TSPAN33: variants seen among roughly 807,000 people sequenced by gnomAD.
TSPAN33 encodes the protein tetraspanin 33, also known as tetraspanin-33.
A neutral mutation model predicts 34.8 loss-of-function variants in TSPAN33; 27 were observed. That is an observed-to-expected ratio of 0.78 (90% CI 0.57 to 1.07). TSPAN33 has a LOEUF of 1.07. Among genes scored for constraint, TSPAN33 ranks in the 50% least tolerant of loss-of-function variants. The probability of loss-of-function intolerance (pLI) is 0.00; values close to 1 mark genes in which losing one functional copy is unlikely to be tolerated. For missense variants in TSPAN33, 272 were observed against 324.9 expected (o/e 0.84, Z 1.25); for synonymous variants, 119 against 124.2 (o/e 0.96, Z 0.28).
intron 2 of TSPAN33, 35 bp from the exon 3 acceptor site, chr7:129,162,359 A>T: frequency 1.9e-6 from 3 of 1,606,702 alleles, no homozygotes; most frequent in Non-Finnish European, 2.5e-6. Context: ...CTCAGTGGGC[A>T]CCAGGCTCAG....
intron 1 of TSPAN33, among the ~76,000 whole-genome samples, chr7:129,151,992 T>G (rs561711645): frequency 3.3e-5 from 5 of 152,192 alleles, no homozygotes; most frequent in African/African-American, 1.2e-4. Context: ...TCTGAATCTG[T>G]GAGGAAACAA....
At chr7:129,166,649 C>T (rs942601533) in intron 5 of TSPAN33, 129 bp from the exon 6 acceptor site, 52 of 1,124,256 alleles carry the variant, frequency 4.6e-5, no homozygotes, top group Middle Eastern at 2.9e-4. Flanking sequence ...AAGTTTAAGG[C>T]TGTGTTAAAA....
At position 129,165,395 on chromosome 7, in the gene TSPAN33, G is replaced by A. The variant is rs141763193; in HGVS notation, c.459+826G>A. On this transcript the variant is annotated intron_variant, in intron 5 of 7. Coordinates refer to ENST00000486685, the MANE Select transcript of TSPAN33 (RefSeq NM_178562.5). The surrounding 1 kb of genome is among the most constrained non-coding windows in gnomAD (Gnocchi z 4.5). ...ACAACTCTAGGTACCTCAAATGAAG[G>A]GACTCACGGTATTAATGCTTTTTTG... Among the ~76,000 whole-genome samples, 1,029 of 152,258 alleles carry A rather than the reference G, an allele frequency of 6.8e-3. 7 individuals are homozygous for A. The highest frequency in any genetic ancestry group is 0.023 in the African/African-American group (956 of 41,540).
chr7:129,164,791 C>A (rs1793112083), intron 5 of TSPAN33: 2 of 468,212 alleles, frequency 4.3e-6, no homozygotes, highest in Non-Finnish European at 7.9e-6. Context: ...TGGTTACCTA[C>A]AGGGGGTGAG....
Position 129,167,599 on chromosome 7 carries a change from T to A in TSPAN33, c.750+39T>A. 6.2e-7 allele frequency: 1 copy of A among 1,603,714 alleles called. No individual in the cohort carries two copies. Among genetic ancestry groups the A allele is most frequent in the South Asian group, 1.1e-5 (1 of 90,016 alleles). On this transcript the variant is annotated intron_variant, in intron 7 of 7. Coordinates refer to ENST00000486685, the MANE Select transcript of TSPAN33 (RefSeq NM_178562.5). This position sits in a 1 kb window ranked among gnomAD's most constrained non-coding sequence, Gnocchi z 4.6. ...TGAGACTTGTTGGTCCCACACACTC[T>A]GTAAAGACTCCTTTGTTTTGGGGAA...
chr7:129,159,200 A>G (rs1793015026), intron 1 of TSPAN33, among the ~76,000 whole-genome samples: 1 of 151,832 alleles, frequency 6.6e-6, no homozygotes, highest in South Asian at 2.1e-4. Context: ...AGCTGGGACT[A>G]CAAGTGTGTG....
chr7:129,162,830 C>T lies in TSPAN33; in HGVS notation c.289-3C>T. On this transcript the variant is annotated splice_polypyrimidine_tract_variant and splice_region_variant and intron_variant, in intron 3 of 7. Transcript: ENST00000486685. ...GACGCCTCTTCTTCCTGCTGCTCCA[C>T]AGTTCTCCCTCTGCCTCACCGCTGT... 1.2e-6 allele frequency: 2 copies of T among 1,613,760 alleles called. No individual in the cohort carries two copies. Among genetic ancestry groups the T allele is most frequent in the African/African-American group, 1.3e-5 (1 of 75,048 alleles).
At position 129,148,527 on chromosome 7, in the gene TSPAN33, C is replaced by A. The variant is rs1321774653; in HGVS notation, c.102+3445C>A. On this transcript the variant is annotated intron_variant, in intron 1 of 7. Coordinates refer to ENST00000486685, the MANE Select transcript of TSPAN33 (RefSeq NM_178562.5). This position sits in a 1 kb window ranked among gnomAD's most constrained non-coding sequence, Gnocchi z 4.2. ...AACCCCACAGGGTAGAGGCTTGATG[C>A]CCATCCTCCCTTCCTCATGGACACT... Among the ~76,000 whole-genome samples, 1 of 152,124 alleles carries A rather than the reference C, an allele frequency of 6.6e-6. No homozygotes were observed. The highest frequency in any genetic ancestry group is 1.5e-5 in the Non-Finnish European group (1 of 68,034).
At chr7:129,159,368 T>C (rs1424084367) in intron 1 of TSPAN33, among the ~76,000 whole-genome samples, 1 of 152,234 alleles carries the variant, frequency 6.6e-6, no homozygotes, top group Non-Finnish European at 1.5e-5. Context: ...CCCCACATTT[T>C]CTTTTTCCCG....
At position 129,162,775 on chromosome 7, in the gene TSPAN33, TG is replaced by T. The variant is rs1430382710; in HGVS notation, c.289-56del. 22 of 1,578,586 alleles carry T rather than the reference TG, an allele frequency of 1.4e-5. No homozygotes were observed. In the Middle Eastern group the frequency reaches 5.0e-4, roughly 36 times the overall value. ...GCAGCTCCCAGCATCCCCTTGGCCC[TG>T]GAAGGGGTTGCTGCCATGAGTGGTC... On this transcript the variant is annotated intron_variant, in intron 3 of 7. Coordinates refer to ENST00000486685, the MANE Select transcript of TSPAN33 (RefSeq NM_178562.5).
At chr7:129,164,161 ATTAG>A (rs540638878) in intron 4 of TSPAN33, among the ~76,000 whole-genome samples, 11 of 152,166 alleles carry the variant, frequency 7.2e-5, no homozygotes, top group Non-Finnish European at 1.6e-4. Context: ...AAAATTAAAA[ATTAG>A]TTTGTTTTTA....
chr7:129,164,570 G>A lies in TSPAN33; in HGVS notation c.459+1G>A. On this transcript the variant is annotated splice_donor_variant, in intron 5 of 7. Coordinates refer to ENST00000486685, the MANE Select transcript of TSPAN33 (RefSeq NM_178562.5). LOFTEE classifies it high-confidence loss of function. ...CCTCATTGATTTTGGCCAGAAAAAG[G>A]TATGGGTCAGCCAGTGGTCTGGGGG... 6.2e-7 allele frequency: 1 copy of A among 1,613,428 alleles called. No homozygotes were observed. Among genetic ancestry groups the A allele is most frequent in the Non-Finnish European group, 8.5e-7 (1 of 1,179,748 alleles).
intron 1 of TSPAN33, among the ~76,000 whole-genome samples, chr7:129,152,934 T>G (rs1051654591): frequency 6.6e-6 from 1 of 150,902 alleles, no homozygotes; most frequent in African/African-American, 2.4e-5. Context: ...GGCACATACC[T>G]GTAACCCCAG....
chr7:129,145,058 C>T lies in TSPAN33; in HGVS notation c.78C>T (p.Leu26=). 4.1e-6 allele frequency: 3 copies of T among 731,676 alleles called. No homozygotes were observed. Among genetic ancestry groups the T allele is most frequent in the Non-Finnish European group, 5.1e-6 (2 of 395,372 alleles). 45.3% of individuals were successfully genotyped at this position (731,676 alleles called of 1,614,324 possible). A position where few individuals can be genotyped will look rare whatever the true frequency, so the allele number is the denominator to read the frequency against. ...TCAGCCCGCTGGTGAAATACCTGCT[C>T]TTCTTCTTCAACATGCTCTTCTGGG... ...SFVSPLVKYL[L]FFFNMLFWVI... is the part of the protein sequence containing the mutation. The change falls in exon 1 of 8, where the codon CTC becomes CTT. Residue 26 remains leucine (L), a synonymous_variant. Coordinates refer to ENST00000486685, the MANE Select transcript of TSPAN33 (RefSeq NM_178562.5).
In TSPAN33 at chr7:129,162,391, C is replaced by CT. The variant is rs756910891; in HGVS notation, c.161-3_161-2insT. 2.5e-6 allele frequency: 4 copies of CT among 1,612,338 alleles called. No homozygotes were observed. The highest frequency in any genetic ancestry group is 2.5e-6 in the Non-Finnish European group (3 of 1,179,970). On this transcript the variant is annotated splice_polypyrimidine_tract_variant and splice_region_variant and intron_variant, in intron 2 of 7. Transcript: ENST00000486685. ...TCAGGCTGAGGGCCGGCTCCTTTTC[C>CT]AGAAGCAGCCCTAGCCTGCCTGGCA...
chr7:129,145,011 T>A lies in TSPAN33; in HGVS notation c.31T>A (p.Ser11Thr). The stretch of plus-strand genomic sequence containing the variant: ...GCGGAGACCCCGGGCGCCGGCCGCC[T>A]CCGGGGAGGAGTTCTCCTTCGTCAG... MARRPRAPAA[S>T]GEEFSFVSPL... is the part of the protein sequence containing the mutation. The change falls in exon 1 of 8, where the codon TCC becomes ACC. Residue 11 changes from serine (S) to threonine (T), a missense_variant. Ser to Thr is a moderately conservative substitution (Grantham distance 58, BLOSUM62 1). Transcript: ENST00000486685. The A allele has an allele frequency of 1.4e-6, 1 of 691,306 alleles. No homozygotes were observed. The highest frequency in any genetic ancestry group is 2.7e-6 in the Non-Finnish European group (1 of 377,068). 42.8% of individuals were successfully genotyped at this position (691,306 alleles called of 1,614,324 possible).
At position 129,167,944 on chromosome 7, in the gene TSPAN33, AG is replaced by A; in HGVS notation, c.*71del. On this transcript the variant is annotated 3_prime_UTR_variant, in exon 8 of 8. Transcript: ENST00000486685. The surrounding 1 kb of genome is among the most constrained non-coding windows in gnomAD (Gnocchi z 4.6). ...TAAACGAACAGCAGTGGGTGCTGAA[AG>A]CAGCACCAAATGGAGATTTGGATTC... The A allele has an allele frequency of 6.4e-7, 1 of 1,568,470 alleles. No individual in the cohort carries two copies. Among genetic ancestry groups the A allele is most frequent in the South Asian group, 1.2e-5 (1 of 85,100 alleles).
Position 129,148,677 on chromosome 7 carries a change from C to T in TSPAN33, c.102+3595C>T, listed in dbSNP as rs1366576736. On this transcript the variant is annotated intron_variant, in intron 1 of 7. Coordinates refer to ENST00000486685, the MANE Select transcript of TSPAN33 (RefSeq NM_178562.5). The surrounding 1 kb of genome is among the most constrained non-coding windows in gnomAD (Gnocchi z 4.2). Reference sequence around the variant, plus strand: ...CCCTCCACTTAAGCCAGGTCAGAAACATGGCAGCCATCCCCTCCTCAGAGC... The same window carrying T: ...CCCTCCACTTAAGCCAGGTCAGAAATATGGCAGCCATCCCCTCCTCAGAGC... 5.3e-5 allele frequency among the ~76,000 whole-genome samples: 8 copies of T among 152,190 alleles called. No individual in the cohort carries two copies. In the East Asian group the frequency reaches 1.5e-3, roughly 29 times the overall value.
rs964229767 is a variant in TSPAN33, at chr7:129,167,573, G to A, written c.750+13G>A. Reference sequence around the variant, plus strand: ...GGCCATCCCCCAGGTAACTTACCCTGTGAGACTTGTTGGTCCCACACACTC... The same window carrying A: ...GGCCATCCCCCAGGTAACTTACCCTATGAGACTTGTTGGTCCCACACACTC... On this transcript the variant is annotated intron_variant, in intron 7 of 7. Coordinates refer to ENST00000486685, the MANE Select transcript of TSPAN33 (RefSeq NM_178562.5). The surrounding 1 kb of genome is among the most constrained non-coding windows in gnomAD (Gnocchi z 4.6). The A allele has an allele frequency of 6.2e-7, 1 of 1,612,218 alleles. No homozygotes were observed. The highest frequency in any genetic ancestry group is 1.1e-5 in the South Asian group (1 of 90,908).
Sources: gnomAD v4.1 joint callset for allele counts (sites outside exome capture counted in the v4.1 genomes callset) on GRCh38, gnomAD v4.1.1 for gene constraint, Gnocchi (gnomAD v3.1) non-coding constraint, MANE v1.5 for transcripts, NCBI Gene and HGNC (gene_info 2026-07-23, HGNC 2026-07-21) for gene names.